Variants in ZNF200 observed in about 807,000 individuals in gnomAD.
ZNF200 encodes the protein zinc finger protein 200.
Under a neutral mutation model 33.6 loss-of-function variants are expected in ZNF200, and 35 were observed. That is an observed-to-expected ratio of 1.04 (90% CI 0.80 to 1.38). The LOEUF (loss-of-function observed/expected upper bound fraction) is 1.38, where lower values mean the gene tolerates loss of function less well. Among genes scored for constraint, ZNF200 ranks in the 40% most tolerant of loss-of-function variants. The probability of loss-of-function intolerance (pLI) is 0.00; values close to 1 mark genes in which losing one functional copy is unlikely to be tolerated. For missense variants in ZNF200, 592 were observed against 470.6 expected, an observed-to-expected ratio of 1.26 and a Z score of -2.39; for synonymous variants, 209 against 167.7, an observed-to-expected ratio of 1.25 and a Z score of -1.90.
rs570209611 is a variant in ZNF200, at chr16:3,230,158, TGAG to T, written c.466+2260_466+2262del. 1.0e-3 allele frequency among the ~76,000 whole-genome samples: 153 copies of T among 152,348 alleles called. 1 individual carries two copies. The highest frequency in any genetic ancestry group is 1.6e-3 in the Non-Finnish European group (110 of 68,032). On this transcript the variant is annotated intron_variant, in intron 4 of 4. Coordinates refer to ENST00000414144, the MANE Select transcript of ZNF200 (RefSeq NM_198088.3). ...TGTGAAGTCTGCTCTCCTTCAACCATGAGTAGTTTCTTGAAGCCCTCACCAGAA... is the reference window on the plus strand; with the variant it reads ...TGTGAAGTCTGCTCTCCTTCAACCATTAGTTTCTTGAAGCCCTCACCAGAA...
rs780576932 is a variant in ZNF200, at chr16:3,224,489, G to A, written c.591C>T (p.Pro197=). 9 of 1,613,892 alleles carry A rather than the reference G, an allele frequency of 5.6e-6. No homozygotes were observed. Among genetic ancestry groups the A allele is most frequent in the Admixed American group, 3.3e-5 (2 of 59,976 alleles). ...MDSSLVSQQP[P]DNQEKERLNT... ...TTAGTCGTTCCTTTTCCTGGTTATC[G>A]GGAGGCTGCTGAGAGACCAAGGAAG... Residue 197 remains proline, a synonymous_variant, in exon 5 of 5, where the codon CCC becomes CCT. Transcript: ENST00000414144.
At chr16:3,230,266 C>G (rs1013153616) in intron 4 of ZNF200, among the ~76,000 whole-genome samples, 2 of 152,206 alleles carry the variant, frequency 1.3e-5, no homozygotes, top group East Asian at 3.8e-4. Flanking sequence ...ATAAATTACC[C>G]AGCCTCAGGT....
intron 4 of ZNF200, chr16:3,226,270 T>C (rs1482541330): frequency 6.6e-6 from 1 of 151,872 alleles, no homozygotes; most frequent in African/African-American, 2.4e-5. Context: ...GCCAGGATGG[T>C]CTTGATGATC....
Position 3,223,937 on chromosome 16 carries a change from C to T in ZNF200, c.1143G>A (p.Arg381=), listed in dbSNP as rs764516304. The change falls in exon 5 of 5, where the codon CGG becomes CGA. Residue 381 remains arginine, a synonymous_variant. Transcript: ENST00000414144. ...TACAGGCTGAGTGGGTTTTCTCATG[C>T]CGGGTACAGTTTGACAGCCGACCAA... ...RRFGRLSNCT[R]HEKTHSACKT... 6.2e-7 allele frequency: 1 copy of T among 1,614,012 alleles called. No individual in the cohort carries two copies. The highest frequency in any genetic ancestry group is 1.1e-5 in the South Asian group (1 of 91,070).
intron 4 of ZNF200, chr16:3,227,765 G>A (rs12921292): frequency 0.36 from 54,958 of 152,080 alleles, 11,325 homozygotes; most frequent in East Asian, 0.57. Context: ...CCCCAGCCAT[G>A]CTGAACTGTG....
In ZNF200 at chr16:3,233,615, C is replaced by T. The variant is rs1349560025; in HGVS notation, c.141G>A (p.Leu47=). 2 of 1,613,714 alleles carry T rather than the reference C, an allele frequency of 1.2e-6. No individual in the cohort carries two copies. The highest frequency in any genetic ancestry group is 1.7e-6 in the Non-Finnish European group (2 of 1,179,938). Residue 47 remains leucine (L), a synonymous_variant, in exon 2 of 5, where the codon CTG becomes CTA. Coordinates refer to ENST00000414144, the MANE Select transcript of ZNF200 (RefSeq NM_198088.3). ...TGGGCAAGAAGGTGAGGAAGTGCTCCAGCACTAGCTGGTGGATGGTCTTGG... is the reference window on the plus strand; with the variant it reads ...TGGGCAAGAAGGTGAGGAAGTGCTCTAGCACTAGCTGGTGGATGGTCTTGG... ...NGPKTIHQLV[L]EHFLTFLPKP... is the part of the protein sequence containing the mutation.
At position 3,232,923 on chromosome 16, in the gene ZNF200, TG is replaced by T. The variant is rs768249456; in HGVS notation, c.251-3del. 18 of 1,613,540 alleles carry T rather than the reference TG, an allele frequency of 1.1e-5. No individual in the cohort carries two copies. Among genetic ancestry groups the T allele is most frequent in the Non-Finnish European group, 1.4e-5 (17 of 1,179,676 alleles). On this transcript the variant is annotated splice_region_variant and splice_polypyrimidine_tract_variant and intron_variant, in intron 2 of 4. Coordinates refer to ENST00000414144, the MANE Select transcript of ZNF200 (RefSeq NM_198088.3). Reference sequence around the variant, plus strand: ...GCTTCACCAAGGGACGAGGATGCACTGGGGAAAGAGGAAGGTTTAGTTAGTG... The same window carrying T: ...GCTTCACCAAGGGACGAGGATGCACTGGGAAAGAGGAAGGTTTAGTTAGTG...
At chr16:3,233,119 G>A (rs1402222910) in intron 2 of ZNF200, among the ~76,000 whole-genome samples, 198 bp from the exon 3 acceptor site, 1 of 152,130 alleles carries the variant, frequency 6.6e-6, no homozygotes, top group Non-Finnish European at 1.5e-5. Context: ...TGAAAAGAAT[G>A]ACTTCTCTAA....
intron 4 of ZNF200, among the ~76,000 whole-genome samples, chr16:3,229,880 G>A (rs1422428838): frequency 6.6e-6 from 1 of 151,682 alleles, no homozygotes; most frequent in Non-Finnish European, 1.5e-5. Context: ...AAAAAAGAAG[G>A]AAACTTCCAA....
At position 3,228,980 on chromosome 16, in the gene ZNF200, T is replaced by A. The variant is rs1046827197; in HGVS notation, c.466+3441A>T. Among the ~76,000 whole-genome samples, 6 of 152,254 alleles carry A rather than the reference T, an allele frequency of 3.9e-5. No homozygotes were observed. In the South Asian group the frequency reaches 1.2e-3, roughly 32 times the overall value. On this transcript the variant is annotated intron_variant, in intron 4 of 4. Transcript: ENST00000414144. The stretch of plus-strand genomic sequence containing the variant: ...TCAACCAACCAAGGATTGAAAATAT[T>A]TGAGAGAAAAAAAAAGGATGGTTTT...
chr16:3,228,298 A>G (rs1172510337), intron 4 of ZNF200, among the ~76,000 whole-genome samples: 2 of 152,130 alleles, frequency 1.3e-5, no homozygotes, highest in Admixed American at 1.3e-4. Flanking sequence ...CTTAAGACAA[A>G]TAAATGTTCT....
intron 4 of ZNF200, among the ~76,000 whole-genome samples, chr16:3,229,368 G>C (rs1373356274): frequency 6.6e-6 from 1 of 151,472 alleles, no homozygotes; most frequent in Non-Finnish European, 1.5e-5. Flanking sequence ...AAAAACAATA[G>C]GATAAATTTA....
rs368683192 is a variant in ZNF200, at chr16:3,222,426, T to A, written c.*1466A>T. On this transcript the variant is annotated 3_prime_UTR_variant, in exon 5 of 5. Transcript: ENST00000414144. ...AAAATTAACAACAGTGAGATGACTA[T>A]ACAAATATATAATTAAAAATAACTT... 6.6e-6 allele frequency: 1 copy of A among 152,124 alleles called. No homozygotes were observed. Among genetic ancestry groups the A allele is most frequent in the Non-Finnish European group, 1.5e-5 (1 of 68,020 alleles). 9.4% of individuals were successfully genotyped at this position (152,124 alleles called of 1,614,324 possible).
Position 3,223,033 on chromosome 16 carries a change from TG to T in ZNF200, c.*858del, listed in dbSNP as rs1398388046. ...TGCCTCCAGGTTGACCCTTCCTCTC[TG>T]GGTCTTGGGGTTTCCTTCGTAGCAC... On this transcript the variant is annotated 3_prime_UTR_variant, in exon 5 of 5. Transcript: ENST00000414144. The T allele has an allele frequency of 6.6e-6, 1 of 152,300 alleles. No homozygotes were observed. Among genetic ancestry groups the T allele is most frequent in the Admixed American group, 6.5e-5 (1 of 15,282 alleles). The allele number at this position is 152,300 out of a possible 1,614,324, so 9.4% of individuals were successfully genotyped here.
In ZNF200 at chr16:3,224,314, G is replaced by A. The variant is rs772510762; in HGVS notation, c.766C>T (p.Leu256=). Residue 256 remains leucine (L), a synonymous_variant, in exon 5 of 5, where the codon CTG becomes TTG. Transcript: ENST00000414144. ...CTTTCATTAAACTGTTTCCCACACA[G>A]TGGACAAGTGTACCATCTCCTTGTC... The part of the protein sequence containing the change: ...RRTRRWYTCP[L]CGKQFNESSY... 4 of 1,614,190 alleles carry A rather than the reference G, an allele frequency of 2.5e-6. No homozygotes were observed. The South Asian group carries it at 4.4e-5, about 18-fold the overall frequency.
chr16:3,224,745 T>C, intron 4 of ZNF200, 132 bp from the exon 5 acceptor site: 1 of 1,123,538 alleles, frequency 8.9e-7, no homozygotes, highest in Non-Finnish European at 1.2e-6. Flanking sequence ...GCCGTCGCAC[T>C]CCTTTTCCAT....
chr16:3,230,780 C>G (rs1958615173), intron 4 of ZNF200, among the ~76,000 whole-genome samples: 1 of 152,182 alleles, frequency 6.6e-6, no homozygotes, highest in African/African-American at 2.4e-5. Context: ...TCCCCAATTT[C>G]CAAATATCTG....
At chr16:3,233,403 A>G in intron 2 of ZNF200, 103 bp downstream of exon 2, 1 of 1,436,360 alleles carries the variant, frequency 7.0e-7, no homozygotes, top group Non-Finnish European at 9.2e-7. Flanking sequence ...CTCCTTTTCC[A>G]ATATACACCA....
At chr16:3,231,013 G>A (rs1326666789) in intron 4 of ZNF200, among the ~76,000 whole-genome samples, 1 of 152,180 alleles carries the variant, frequency 6.6e-6, no homozygotes, top group Non-Finnish European at 1.5e-5. Flanking sequence ...GTAACCTGAT[G>A]AATACAATTC....
Sources: gnomAD v4.1 joint callset for allele counts (sites outside exome capture counted in the v4.1 genomes callset) on GRCh38, gnomAD v4.1.1 for gene constraint, MANE v1.5 for transcripts, NCBI Gene and HGNC (gene_info 2026-07-23, HGNC 2026-07-21) for gene names.